The following RPS6KC1 variants were observed in gnomAD, a reference collection of about 807,000 sequenced individuals.
RPS6KC1 encodes inactive ribosomal protein S6 kinase delta-1.
In RPS6KC1, 54 loss-of-function variants were observed where a neutral mutation model predicts 103.8. The ratio of observed to expected loss-of-function variants is 0.52; its 90% CI spans 0.42 to 0.65. RPS6KC1 has a LOEUF of 0.65. Among genes scored for constraint, RPS6KC1 ranks in the 30% least tolerant of loss-of-function variants. The pLI, the probability that RPS6KC1 is intolerant of heterozygous loss-of-function variation, is 0.00. For synonymous variants in RPS6KC1, 439 were observed against 438.7 expected (o/e 1.00, Z -0.01); for missense variants, 1,151 against 1,253.8 (o/e 0.92, Z 1.24).
chr1:213,742,971 A>G, the RPS6KC1 span, among the ~76,000 whole-genome samples: 1 of 152,262 alleles, frequency 6.6e-6, no homozygotes, highest in Non-Finnish European at 1.5e-5. Context: ...TGTGGAAAGC[A>G]GTTTGGCAAT....
At position 213,242,332 on chromosome 1, in the gene RPS6KC1, C is replaced by G. The variant is rs773141824; in HGVS notation, c.2821+35C>G. On this transcript the variant is annotated intron_variant, in intron 11 of 14. Coordinates refer to ENST00000366960, the MANE Select transcript of RPS6KC1 (RefSeq NM_012424.6). The stretch of plus-strand genomic sequence containing the variant: ...TTTTGCAAATGCATTTCTTTTTATT[C>G]GCTGTTGCTTCCAATTAACTGAGTA... 56 of 1,605,924 alleles carry G rather than the reference C, an allele frequency of 3.5e-5. No homozygotes were observed. The East Asian group carries it at 1.2e-3, about 33-fold the overall frequency.
chr1:213,697,273 T>G, the RPS6KC1 span, among the ~76,000 whole-genome samples: 1 of 151,924 alleles, frequency 6.6e-6, no homozygotes, highest in Non-Finnish European at 1.5e-5. Flanking sequence ...GGGAGCGAGG[T>G]GGAAGGCAAG....
the RPS6KC1 span, among the ~76,000 whole-genome samples, chr1:213,853,054 C>T: frequency 6.6e-6 from 1 of 152,122 alleles, no homozygotes; most frequent in Admixed American, 6.5e-5. Context: ...TCATCCATCC[C>T]TCTGGAACAC....
intron 1 of RPS6KC1, among the ~76,000 whole-genome samples, chr1:213,057,701 T>G (rs1188712380): frequency 6.6e-6 from 1 of 151,732 alleles, no homozygotes; most frequent in South Asian, 2.1e-4. Flanking sequence ...ATATGACATT[T>G]GTAAATATTT....
chr1:213,200,619 A>G (rs1202499149), intron 8 of RPS6KC1, among the ~76,000 whole-genome samples: 1 of 152,234 alleles, frequency 6.6e-6, no homozygotes, highest in East Asian at 1.9e-4. Flanking sequence ...GGCAAAAAAC[A>G]AAAATTGACA....
At chr1:213,397,858 A>G in the RPS6KC1 span, among the ~76,000 whole-genome samples, 1 of 152,184 alleles carries the variant, frequency 6.6e-6, no homozygotes, top group Non-Finnish European at 1.5e-5. Context: ...GAAGCCTTTC[A>G]TACCAGGCTA....
chr1:213,341,897 ATGGGGCTG>A, the RPS6KC1 span, among the ~76,000 whole-genome samples: 10 of 152,268 alleles, frequency 6.6e-5, no homozygotes, highest in African/African-American at 2.4e-4. Flanking sequence ...TATCTACTTC[ATGGGGCTG>A]TGGTATTATG....
the RPS6KC1 span, among the ~76,000 whole-genome samples, chr1:213,781,682 C>G: frequency 6.6e-6 from 1 of 152,032 alleles, no homozygotes; most frequent in Non-Finnish European, 1.5e-5. Context: ...CACTCATCAG[C>G]AAGGCTAATT....
chr1:213,117,353 C>A lies in RPS6KC1; in HGVS notation c.415C>A (p.Pro139Thr). 1 of 1,609,666 alleles carries A rather than the reference C, an allele frequency of 6.2e-7. No individual in the cohort carries two copies. The highest frequency in any genetic ancestry group is 1.1e-5 in the South Asian group (1 of 90,834). The change falls in exon 5 of 15, where the codon CCT (proline) becomes ACT (threonine). Residue 139 changes from proline to threonine, a missense_variant. Transcript: ENST00000366960. ...IINDSSELIG[P>T]AEAHSDSLID... ...TAATGATAGTTCTGAATTAATTGGTCCTGCTGAAGCTCACTCAGATTCCCT... is the reference window on the plus strand; with the variant it reads ...TAATGATAGTTCTGAATTAATTGGTACTGCTGAAGCTCACTCAGATTCCCT...
At chr1:213,810,381 C>T in the RPS6KC1 span, among the ~76,000 whole-genome samples, 1 of 152,150 alleles carries the variant, frequency 6.6e-6, no homozygotes, top group Non-Finnish European at 1.5e-5. Context: ...AATTATTGCT[C>T]TTATAAGAGC....
the RPS6KC1 span, among the ~76,000 whole-genome samples, chr1:213,847,965 A>C: frequency 6.6e-6 from 1 of 151,914 alleles, no homozygotes; most frequent in African/African-American, 2.4e-5. Flanking sequence ...TTTCTCTCAT[A>C]CACACACACA....
At chr1:213,447,159 C>T in the RPS6KC1 span, among the ~76,000 whole-genome samples, 1 of 152,022 alleles carries the variant, frequency 6.6e-6, no homozygotes, top group Non-Finnish European at 1.5e-5. Flanking sequence ...CCTGGAACTC[C>T]TCAGCTCAAG....
At chr1:213,559,492 A>G in the RPS6KC1 span, among the ~76,000 whole-genome samples, 1 of 152,234 alleles carries the variant, frequency 6.6e-6, no homozygotes, top group Non-Finnish European at 1.5e-5. Flanking sequence ...TTGAAAAACA[A>G]TGGAGAATGA....
At chr1:213,608,566 A>G in the RPS6KC1 span, among the ~76,000 whole-genome samples, 1 of 152,204 alleles carries the variant, frequency 6.6e-6, no homozygotes, top group Non-Finnish European at 1.5e-5. Flanking sequence ...ATAAACCTGG[A>G]CAAACGACAG....
chr1:213,084,726 C>A (rs565828717), intron 3 of RPS6KC1, among the ~76,000 whole-genome samples: 1 of 151,682 alleles, frequency 6.6e-6, no homozygotes, highest in East Asian at 1.9e-4. Context: ...TTTTTGTTTT[C>A]ATTATATTGG....
chr1:213,339,188 C>A, the RPS6KC1 span, among the ~76,000 whole-genome samples: 2 of 152,138 alleles, frequency 1.3e-5, no homozygotes, highest in African/African-American at 2.4e-5. Context: ...ATCACTTGAA[C>A]CTGGGAGGCA....
chr1:213,284,961 C>G, the RPS6KC1 span, among the ~76,000 whole-genome samples: 43 of 152,276 alleles, frequency 2.8e-4, no homozygotes, highest in Admixed American at 2.1e-3. Context: ...ATTTTATATC[C>G]AGCAAAACTG....
At chr1:213,745,873 C>A in the RPS6KC1 span, among the ~76,000 whole-genome samples, 1 of 152,128 alleles carries the variant, frequency 6.6e-6, no homozygotes, top group Non-Finnish European at 1.5e-5. Context: ...GAGGGGTATG[C>A]GGATAAATGA....
At chr1:213,096,840 T>G (rs2081503193) in intron 3 of RPS6KC1, among the ~76,000 whole-genome samples, 1 of 152,114 alleles carries the variant, frequency 6.6e-6, no homozygotes. Context: ...TAATAAATAA[T>G]AAACCATTGT....
Sources: allele counts gnomAD v4.1 joint callset (sites outside exome capture counted in the v4.1 genomes callset), GRCh38; gene constraint gnomAD v4.1.1; transcripts MANE v1.5; gene names NCBI Gene and HGNC (gene_info 2026-07-23, HGNC 2026-07-21).